Variants in GSN observed in about 807,000 individuals in gnomAD.
GSN encodes the protein actin-depolymerizing factor.
In GSN, 56 loss-of-function variants were observed where a neutral mutation model predicts 85.7. The observed-to-expected ratio is 0.65, with a 90% CI of 0.53 to 0.82. GSN has a LOEUF of 0.82. Ranked by LOEUF, GSN falls within the 40% of genes least tolerant of loss-of-function variation. The pLI, the probability that GSN is intolerant of heterozygous loss-of-function variation, is 0.00. For missense variants in GSN, 857 were observed against 979.8 expected (o/e 0.87, Z 1.67); for synonymous variants, 373 against 399.1 (o/e 0.93, Z 0.78).
At chr9:121,224,170 C>T (rs1243300854) in intron 4 of GSN, among the ~76,000 whole-genome samples, 1 of 151,932 alleles carries the variant, frequency 6.6e-6, no homozygotes, top group African/African-American at 2.4e-5. Flanking sequence ...GATCTTGGCT[C>T]ACTGCAACCT....
chr9:121,224,672 G>A (rs1474984423), intron 4 of GSN, among the ~76,000 whole-genome samples: 1 of 150,886 alleles, frequency 6.6e-6, no homozygotes, highest in Non-Finnish European at 1.5e-5. Context: ...GGAATGACTG[G>A]GGACCCATCA....
chr9:121,290,705 C>A (rs529129681), intron 2 of GSN, among the ~76,000 whole-genome samples: 3 of 152,196 alleles, frequency 2.0e-5, no homozygotes, highest in Non-Finnish European at 4.4e-5. Flanking sequence ...CTTTCAATGA[C>A]GAAAACTGCA....
At chr9:121,323,307 A>G (rs1306596289) in intron 11 of GSN, among the ~76,000 whole-genome samples, 2 of 151,656 alleles carry the variant, frequency 1.3e-5, no homozygotes, top group Non-Finnish European at 2.9e-5. Context: ...GGAAGTGAAC[A>G]TTGACACAAT....
intron 4 of GSN, among the ~76,000 whole-genome samples, chr9:121,224,960 A>G (rs965997812): frequency 6.6e-6 from 1 of 152,166 alleles, no homozygotes; most frequent in Admixed American, 6.5e-5. Flanking sequence ...CTGGGACCAC[A>G]GACGCATGCC....
intron 4 of GSN, chr9:121,309,498 A>G (rs376992475): frequency 6.6e-6 from 1 of 152,192 alleles, no homozygotes; most frequent in African/African-American, 2.4e-5. Context: ...AGCTGCTCTG[A>G]AGGGACTGCT....
chr9:121,281,397 A>G (rs922132803), intron 1 of GSN, 73 bp from the exon 2 acceptor site: 1 of 360,588 alleles, frequency 2.8e-6, no homozygotes, highest in Non-Finnish European at 5.6e-6. Flanking sequence ...AGGGGTTGAA[A>G]CATCAAATGG....
intron 2 of GSN, chr9:121,286,574 A>T (rs2058104544): frequency 2.0e-6 from 3 of 1,471,088 alleles, no homozygotes; most frequent in African/African-American, 1.4e-5. Flanking sequence ...CTGTTGGGCC[A>T]TGGGTGCTCC....
In GSN at chr9:121,299,363, C is replaced by T. The variant is rs2059533345; in HGVS notation, c.-9-2600C>T. 1.0e-6 allele frequency: 1 copy of T among 977,490 alleles called. No homozygotes were observed. Among genetic ancestry groups the T allele is most frequent in the African/African-American group, 1.8e-5 (1 of 57,048 alleles). The allele number at this position is 977,490 out of a possible 1,614,324, so 60.6% of individuals were successfully genotyped here. On this transcript the variant is annotated intron_variant, in intron 2 of 17. Transcript: ENST00000432226. This position sits in a 1 kb window ranked among gnomAD's most constrained non-coding sequence, Gnocchi z 4.2. ...GGCCTGAGTTCAAATCCCGGCAGCACCATTTACAAGCTGTGTGCAAGTTGC... is the reference window on the plus strand; with the variant it reads ...GGCCTGAGTTCAAATCCCGGCAGCATCATTTACAAGCTGTGTGCAAGTTGC...
intron 4 of GSN, among the ~76,000 whole-genome samples, chr9:121,228,365 A>C (rs2054311147): frequency 6.8e-6 from 1 of 147,566 alleles, no homozygotes; most frequent in Non-Finnish European, 1.5e-5. Context: ...TGTGTGCTAG[A>C]CACATAGACA....
At chr9:121,317,589 C>G in intron 8 of GSN, 1 of 308,568 alleles carries the variant, frequency 3.2e-6, no homozygotes, top group Non-Finnish European at 6.3e-6. Flanking sequence ...TACTGTAGGA[C>G]TTTTAACTTG....
chr9:121,262,157 C>T (rs1283374301), intron 6 of GSN, among the ~76,000 whole-genome samples: 3 of 152,188 alleles, frequency 2.0e-5, no homozygotes, highest in Admixed American at 6.5e-5. Context: ...CAGATCCTAA[C>T]GTTGTCGAGA....
intron 2 of GSN, among the ~76,000 whole-genome samples, chr9:121,292,252 G>A (rs1354428326): frequency 2.6e-5 from 4 of 152,292 alleles, no homozygotes; most frequent in South Asian, 4.1e-4. Flanking sequence ...GAGGAGGGGA[G>A]GGGGTGTCAT....
At chr9:121,234,735 G>A (rs1421073030) in intron 5 of GSN, among the ~76,000 whole-genome samples, 4 of 152,214 alleles carry the variant, frequency 2.6e-5, no homozygotes, top group Non-Finnish European at 5.9e-5. Flanking sequence ...TGTAATCCGA[G>A]CACTTTGGGA....
chr9:121,282,529 G>C, intron 2 of GSN: 2 of 1,253,274 alleles, frequency 1.6e-6, no homozygotes, highest in Non-Finnish European at 2.0e-6. Flanking sequence ...AGCCGGAGCT[G>C]TTCCTCTTTC....
At chr9:121,254,587 CT>C (rs1176226744) in intron 6 of GSN, among the ~76,000 whole-genome samples, 1 of 152,176 alleles carries the variant, frequency 6.6e-6, no homozygotes, top group South Asian at 2.1e-4. Flanking sequence ...TGGTCTTTGG[CT>C]TTGCACAACC....
chr9:121,306,099 C>T (rs867058173), intron 4 of GSN, among the ~76,000 whole-genome samples: 6 of 152,264 alleles, frequency 3.9e-5, no homozygotes, highest in Middle Eastern at 3.4e-3. Flanking sequence ...CCTCCCACTC[C>T]GCAGACCCCC....
chr9:121,212,461 G>A (rs1230470294), intron 4 of GSN, among the ~76,000 whole-genome samples: 1 of 152,158 alleles, frequency 6.6e-6, no homozygotes, highest in Non-Finnish European at 1.5e-5. Context: ...CTCCCTGCCA[G>A]GGAGTCAGTG....
chr9:121,275,871 C>A (rs2056602120), intron 1 of GSN, among the ~76,000 whole-genome samples: 1 of 152,198 alleles, frequency 6.6e-6, no homozygotes, highest in African/African-American at 2.4e-5. Context: ...TTTAGGGTTG[C>A]CTTATTTAGC....
In GSN at chr9:121,310,692, T is replaced by G. The variant is rs1026827366; in HGVS notation, c.360T>G (p.Gly120=). Residue 120 remains glycine, a synonymous_variant, in exon 5 of 18, where the codon GGT becomes GGG. Transcript: ENST00000432226. ...TCTCTTTGGCCCCACAGAAAGGAGG[T>G]GTGGCATCAGGATTCAAGCACGTGG... ...FKSGLKYKKG[G]VASGFKHVVP... 2 of 1,613,996 alleles carry G rather than the reference T, an allele frequency of 1.2e-6. No homozygotes were observed. Among genetic ancestry groups the G allele is most frequent in the South Asian group, 1.1e-5 (1 of 91,066 alleles).
Sources: allele counts gnomAD v4.1 joint callset (sites outside exome capture counted in the v4.1 genomes callset), GRCh38; gene constraint gnomAD v4.1.1; non-coding constraint Gnocchi (gnomAD v3.1); transcripts MANE v1.5; gene names NCBI Gene and HGNC (gene_info 2026-07-23, HGNC 2026-07-21).